The following EBF1 variants were observed in gnomAD, a reference collection of about 807,000 sequenced individuals.
EBF1 encodes the protein transcription factor COE1.
A neutral mutation model predicts 68.4 loss-of-function variants in EBF1; 10 were observed. That is an observed-to-expected ratio of 0.15 (90% CI 0.09 to 0.25). EBF1 has a LOEUF of 0.25. Ranked by LOEUF, EBF1 falls within the 10% of genes least tolerant of loss-of-function variation. EBF1 has a pLI of 1.00. For missense variants in EBF1, 509 were observed against 794.4 expected, an observed-to-expected ratio of 0.64 and a Z score of 4.32; for synonymous variants, 298 against 299.8, an observed-to-expected ratio of 0.99 and a Z score of 0.06.
At chr5:159,076,884 G>A (rs1216785853) in intron 5 of EBF1, among the ~76,000 whole-genome samples, 2 of 152,172 alleles carry the variant, frequency 1.3e-5, no homozygotes, top group Non-Finnish European at 2.9e-5. Context: ...ACACATACAT[G>A]TGTATATGGA....
intron 6 of EBF1, among the ~76,000 whole-genome samples, chr5:158,943,763 G>A (rs1168027555): frequency 6.6e-6 from 1 of 152,204 alleles, no homozygotes; most frequent in Admixed American, 6.5e-5. Context: ...AGGGCAGGGG[G>A]CGCCAGGGAC....
intron 7 of EBF1, among the ~76,000 whole-genome samples, chr5:158,825,335 C>A (rs1489051701): frequency 6.6e-6 from 1 of 152,152 alleles, no homozygotes; most frequent in African/African-American, 2.4e-5. Flanking sequence ...CATAACAGAG[C>A]TGGGTCTTTC....
intron 6 of EBF1, among the ~76,000 whole-genome samples, chr5:158,905,862 C>T (rs1363342452): frequency 1.3e-5 from 2 of 152,162 alleles, no homozygotes; most frequent in Non-Finnish European, 2.9e-5. Context: ...AAGCCTTGCC[C>T]TGGCCCCACT....
chr5:158,856,505 T>G (rs28446610), intron 6 of EBF1, among the ~76,000 whole-genome samples: 1,726 of 152,342 alleles, frequency 0.011, 36 homozygotes, highest in African/African-American at 0.04. Context: ...AATACCAATT[T>G]CCTTTGATGA....
At chr5:158,978,656 T>G (rs916602908) in intron 6 of EBF1, among the ~76,000 whole-genome samples, 9 of 152,028 alleles carry the variant, frequency 5.9e-5, no homozygotes, top group Admixed American at 6.6e-5. Context: ...CTGGAAAGAA[T>G]TTAGATATAA....
chr5:158,731,992 T>C (rs1764183440), intron 10 of EBF1, among the ~76,000 whole-genome samples: 1 of 152,144 alleles, frequency 6.6e-6, no homozygotes, highest in East Asian at 1.9e-4. Context: ...TTTCAAAATT[T>C]CTCCCTGGTA....
At position 159,058,569 on chromosome 5, in the gene EBF1, G is replaced by GAAAGA. The variant is rs142814737; in HGVS notation, c.554+14822_554+14826dup. ...GAGTCCCCAGGAATCATTTATAACT[G>GAAAGA]AAAGAAAAGGAAAAGCCACCTTCAA... On this transcript the variant is annotated intron_variant, in intron 6 of 15. Transcript: ENST00000313708. Among the ~76,000 whole-genome samples, 1,005 of 152,274 alleles carry GAAAGA rather than the reference G, an allele frequency of 6.6e-3. 10 individuals are homozygous for GAAAGA. Among genetic ancestry groups the GAAAGA allele is most frequent in the African/African-American group, 0.023 (953 of 41,536 alleles).
chr5:158,887,258 G>A (rs1317445537), intron 6 of EBF1, among the ~76,000 whole-genome samples: 11 of 152,070 alleles, frequency 7.2e-5, no homozygotes, highest in Admixed American at 6.6e-4. Context: ...AACCTAACAG[G>A]TACAGAGACA....
chr5:158,888,444 T>C (rs1800477708), intron 6 of EBF1, among the ~76,000 whole-genome samples: 2 of 152,176 alleles, frequency 1.3e-5, no homozygotes, highest in African/African-American at 4.8e-5. Flanking sequence ...GAGGCAAGAA[T>C]GTGAACCTAG....
chr5:158,726,032 A>T (rs1489638253), intron 11 of EBF1, among the ~76,000 whole-genome samples: 1 of 152,234 alleles, frequency 6.6e-6, no homozygotes, highest in Non-Finnish European at 1.5e-5. Context: ...CACTTCTGAC[A>T]AGCAGAAACA....
At chr5:158,998,272 C>T (rs2127634309) in intron 6 of EBF1, among the ~76,000 whole-genome samples, 1 of 152,310 alleles carries the variant, frequency 6.6e-6, no homozygotes, top group Middle Eastern at 3.4e-3. Context: ...TAAACCCAAT[C>T]TGTCTTGCTT....
At chr5:158,815,089 G>A (rs1362623429) in intron 8 of EBF1, among the ~76,000 whole-genome samples, 2 of 152,174 alleles carry the variant, frequency 1.3e-5, no homozygotes, top group Non-Finnish European at 2.9e-5. Flanking sequence ...TAATGTAACA[G>A]AGCAGTAGAT....
intron 4 of EBF1, among the ~76,000 whole-genome samples, chr5:159,091,137 T>C (rs1195384049): frequency 6.6e-6 from 1 of 152,222 alleles, no homozygotes; most frequent in South Asian, 2.1e-4. Context: ...TCTACTAATA[T>C]GTTCGTTTTT....
At chr5:158,803,098 A>T (rs1780911170) in intron 8 of EBF1, among the ~76,000 whole-genome samples, 1 of 152,124 alleles carries the variant, frequency 6.6e-6, no homozygotes, top group African/African-American at 2.4e-5. Context: ...TTCAGAAATG[A>T]GGAATCGACT....
At chr5:158,848,140 C>A (rs963803189) in intron 6 of EBF1, among the ~76,000 whole-genome samples, 1 of 152,176 alleles carries the variant, frequency 6.6e-6, no homozygotes, top group Non-Finnish European at 1.5e-5. Context: ...GATTCTACTT[C>A]TTTTCTCATT....
intron 6 of EBF1, among the ~76,000 whole-genome samples, chr5:158,846,155 G>A (rs1181861859): frequency 1.3e-5 from 2 of 152,146 alleles, no homozygotes; most frequent in Admixed American, 6.5e-5. Flanking sequence ...TTCAGGACAC[G>A]GAGACTTGCT....
intron 15 of EBF1, among the ~76,000 whole-genome samples, chr5:158,702,798 A>C (rs1001642709): frequency 1.4e-5 from 2 of 138,620 alleles, no homozygotes; most frequent in African/African-American, 5.3e-5. Flanking sequence ...AATCAGGAAC[A>C]GGGGGGTAAG....
intron 6 of EBF1, among the ~76,000 whole-genome samples, chr5:159,009,541 C>T (rs1054853307): frequency 3.9e-5 from 6 of 152,022 alleles, no homozygotes; most frequent in African/African-American, 7.2e-5. Context: ...ACTATGAATA[C>T]GAAAAAGATG....
intron 6 of EBF1, among the ~76,000 whole-genome samples, chr5:159,063,152 G>A (rs1776152895): frequency 6.6e-6 from 1 of 152,102 alleles, no homozygotes; most frequent in South Asian, 2.1e-4. Context: ...CAGGAGGGAG[G>A]CACTGTGCTC....
Sources: gnomAD v4.1 joint callset for allele counts (sites outside exome capture counted in the v4.1 genomes callset) on GRCh38, gnomAD v4.1.1 for gene constraint, MANE v1.5 for transcripts, NCBI Gene and HGNC (gene_info 2026-07-23, HGNC 2026-07-21) for gene names.